NCALD: variants seen among roughly 807,000 people sequenced by gnomAD.
The protein encoded by NCALD is neurocalcin-delta.
In NCALD, 10 loss-of-function variants were observed where a neutral mutation model predicts 18.6. The observed-to-expected ratio is 0.54, with a 90% CI of 0.33 to 0.91. NCALD has a LOEUF of 0.91. Among genes scored for constraint, NCALD ranks in the 40% least tolerant of loss-of-function variants. NCALD has a pLI of 0.03. For missense variants in NCALD, 184 were observed against 247.6 expected (o/e 0.74, Z 1.72); for synonymous variants, 88 against 87.4 (o/e 1.01, Z -0.04).
chr8:101,731,682 AC>A (rs1343280163), intron 1 of NCALD, among the ~76,000 whole-genome samples: 1 of 152,150 alleles, frequency 6.6e-6, no homozygotes, highest in African/African-American at 2.4e-5. Flanking sequence ...GACATATTTT[AC>A]CTCAACAGCA....
intron 2 of NCALD, among the ~76,000 whole-genome samples, chr8:101,947,358 T>C (rs1819216046): frequency 6.6e-6 from 1 of 152,210 alleles, no homozygotes; most frequent in South Asian, 2.1e-4. Flanking sequence ...CACCAGAGAG[T>C]CCTCCATCAT....
chr8:102,043,808 T>C (rs1342559191), intron 1 of NCALD, among the ~76,000 whole-genome samples: 1 of 151,490 alleles, frequency 6.6e-6, no homozygotes, highest in East Asian at 1.9e-4. Context: ...ATGTGTTGTA[T>C]TAAGTCAGGC....
chr8:102,016,942 T>C (rs1020623811), intron 2 of NCALD, among the ~76,000 whole-genome samples: 1 of 152,116 alleles, frequency 6.6e-6, no homozygotes, highest in African/African-American at 2.4e-5. Flanking sequence ...ATGATTAATA[T>C]GTTAAAGGCT....
At chr8:101,752,639 T>TCAA (rs1163267601) in intron 1 of NCALD, among the ~76,000 whole-genome samples, 1 of 152,244 alleles carries the variant, frequency 6.6e-6, no homozygotes, top group East Asian at 1.9e-4. Flanking sequence ...AGCTTTATTT[T>TCAA]CACCAAGTAA....
intron 1 of NCALD, among the ~76,000 whole-genome samples, chr8:102,082,451 T>C (rs1338959712): frequency 2.0e-5 from 3 of 151,918 alleles, no homozygotes; most frequent in Non-Finnish European, 4.4e-5. Flanking sequence ...TTGATACAAA[T>C]GAAAGGAGCT....
At chr8:101,708,839 C>T (rs1191415470) in intron 2 of NCALD, among the ~76,000 whole-genome samples, 1 of 152,128 alleles carries the variant, frequency 6.6e-6, no homozygotes, top group Non-Finnish European at 1.5e-5. Context: ...ATCAGTGACA[C>T]CGCTGTGTTT....
intron 2 of NCALD, among the ~76,000 whole-genome samples, chr8:102,017,086 T>C (rs1822108269): frequency 6.6e-6 from 1 of 152,052 alleles, no homozygotes; most frequent in South Asian, 2.1e-4. Flanking sequence ...AGAGAAAGAA[T>C]TTTTTTAACA....
intron 4 of NCALD, among the ~76,000 whole-genome samples, chr8:101,857,995 T>C (rs1456586755): frequency 6.6e-6 from 1 of 152,188 alleles, no homozygotes; most frequent in Non-Finnish European, 1.5e-5. Flanking sequence ...ACATTGTCAA[T>C]GGGATAGATA....
chr8:101,848,606 A>G (rs1814966953), intron 4 of NCALD, among the ~76,000 whole-genome samples: 1 of 152,190 alleles, frequency 6.6e-6, no homozygotes, highest in African/African-American at 2.4e-5. Context: ...AAATGGTCCT[A>G]AGATTTTTAA....
chr8:101,742,168 G>T (rs867325637), intron 1 of NCALD, among the ~76,000 whole-genome samples: 7 of 151,242 alleles, frequency 4.6e-5, no homozygotes, highest in Non-Finnish European at 1.5e-5. Flanking sequence ...CAGGAAAATC[G>T]CTTGAACCCC....
At chr8:101,765,246 G>A (rs1226850438) in intron 1 of NCALD, among the ~76,000 whole-genome samples, 6 of 152,216 alleles carry the variant, frequency 3.9e-5, no homozygotes, top group African/African-American at 1.4e-4. Context: ...AAGCAGGGGA[G>A]TGAAAAGAAG....
intron 2 of NCALD, among the ~76,000 whole-genome samples, chr8:101,970,556 T>C (rs1485008385): frequency 6.6e-6 from 1 of 152,184 alleles, no homozygotes; most frequent in Non-Finnish European, 1.5e-5. Flanking sequence ...TTTCTAGCAG[T>C]ATATTACTCT....
intron 4 of NCALD, among the ~76,000 whole-genome samples, chr8:101,804,796 G>A (rs1385741717): frequency 6.7e-6 from 1 of 150,026 alleles, no homozygotes; most frequent in East Asian, 1.9e-4. Context: ...ACTTTTATAT[G>A]TACCGAGAAA....
intron 4 of NCALD, among the ~76,000 whole-genome samples, chr8:101,843,077 C>T (rs1016366869): frequency 1.3e-5 from 2 of 152,288 alleles, no homozygotes; most frequent in East Asian, 3.9e-4. Context: ...TAGATGATTG[C>T]TCACCTTTTG....
chr8:102,098,409 C>A (rs1825172455), intron 1 of NCALD, among the ~76,000 whole-genome samples: 1 of 152,170 alleles, frequency 6.6e-6, no homozygotes, highest in Admixed American at 6.5e-5. Flanking sequence ...TCCAGCTAAT[C>A]CTTTCTCAAG....
chr8:102,029,858 C>T (rs1822606060), intron 1 of NCALD, among the ~76,000 whole-genome samples: 1 of 152,194 alleles, frequency 6.6e-6, no homozygotes, highest in Non-Finnish European at 1.5e-5. Context: ...AGCACTCTCA[C>T]ATTTAATAAG....
chr8:101,859,101 A>G (rs1370000292), intron 4 of NCALD, among the ~76,000 whole-genome samples: 2 of 152,160 alleles, frequency 1.3e-5, no homozygotes, highest in African/African-American at 4.8e-5. Context: ...GGTGGGCACC[A>G]TCTAATCAGC....
At chr8:101,733,408 C>T (rs566619714) in intron 1 of NCALD, among the ~76,000 whole-genome samples, 1 of 152,298 alleles carries the variant, frequency 6.6e-6, no homozygotes, top group Non-Finnish European at 1.5e-5. Context: ...AGTCCTTGAA[C>T]ATCTCTTGGT....
At chr8:101,861,537 T>C (rs535997758) in intron 4 of NCALD, among the ~76,000 whole-genome samples, 14 of 151,288 alleles carry the variant, frequency 9.3e-5, no homozygotes, top group African/African-American at 3.4e-4. Context: ...TAAGACCATA[T>C]ATGTGATATT....
Sources: allele counts gnomAD v4.1 joint callset (sites outside exome capture counted in the v4.1 genomes callset), GRCh38; gene constraint gnomAD v4.1.1; transcripts MANE v1.5; gene names NCBI Gene and HGNC (gene_info 2026-07-23, HGNC 2026-07-21).